Variants in WWTR1 observed in about 807,000 individuals in gnomAD.
WWTR1 encodes the protein WW domain-containing transcription regulator protein 1.
In WWTR1, 13 loss-of-function variants were observed where a neutral mutation model predicts 40.1. The observed-to-expected ratio is 0.32, with a 90% CI of 0.21 to 0.52. WWTR1 has a LOEUF of 0.52. WWTR1 is among the 20% of genes least tolerant of loss of function. The pLI, the probability that WWTR1 is intolerant of heterozygous loss-of-function variation, is 0.97. For synonymous variants in WWTR1, 230 were observed against 210.1 expected (o/e 1.09, Z -0.82); for missense variants, 436 against 523.1 (o/e 0.83, Z 1.63).
intron 1 of WWTR1, among the ~76,000 whole-genome samples, chr3:149,681,624 A>G (rs1714460765): frequency 6.6e-6 from 1 of 152,210 alleles, no homozygotes; most frequent in African/African-American, 2.4e-5. Context: ...TTGCACTCCT[A>G]TGTTCATTGC....
At chr3:149,564,623 C>G (rs17787965) in intron 3 of WWTR1, among the ~76,000 whole-genome samples, 17,050 of 151,962 alleles carry the variant, frequency 0.11, 1,075 homozygotes, top group Middle Eastern at 0.15. Context: ...AACTGACTTA[C>G]TCAACACATT....
At chr3:149,609,429 G>A (rs1739635180) in intron 2 of WWTR1, among the ~76,000 whole-genome samples, 1 of 152,132 alleles carries the variant, frequency 6.6e-6, no homozygotes, top group South Asian at 2.1e-4. Context: ...ACCTGTTTTT[G>A]TACAACAGGG....
At chr3:149,645,143 G>A (rs556820401) in intron 2 of WWTR1, among the ~76,000 whole-genome samples, 40 of 150,996 alleles carry the variant, frequency 2.6e-4, no homozygotes, top group African/African-American at 9.2e-4. Context: ...GCAGTGGCGC[G>A]ATCTCAGCTC....
intron 1 of WWTR1, among the ~76,000 whole-genome samples, chr3:149,699,736 T>C (rs1715111638): frequency 6.6e-6 from 1 of 152,250 alleles, no homozygotes; most frequent in South Asian, 2.1e-4. Flanking sequence ...CTGATCAGCC[T>C]GGACTTTACT....
At position 149,524,891 on chromosome 3, in the gene WWTR1, G is replaced by A. The variant is rs368732776; in HGVS notation, c.1018+1122C>T. On this transcript the variant is annotated intron_variant, in intron 6 of 6. Transcript: ENST00000360632. ...ACTTTCGTCAATGATAATGGAGAAG[G>A]AACTTTCATGAATAACTCCAAATAG... 3.8e-4 allele frequency among the ~76,000 whole-genome samples: 58 copies of A among 152,288 alleles called. 1 individual carries two copies. In the South Asian group the frequency reaches 0.01, roughly 27 times the overall value.
intron 5 of WWTR1, among the ~76,000 whole-genome samples, chr3:149,715,077 C>T (rs1352323846): frequency 6.6e-6 from 1 of 152,174 alleles, no homozygotes; most frequent in Non-Finnish European, 1.5e-5. Context: ...TTCTGTTTCT[C>T]AATAAAGCTC....
chr3:149,693,992 A>T (rs1047392012), intron 1 of WWTR1, among the ~76,000 whole-genome samples: 2 of 152,242 alleles, frequency 1.3e-5, no homozygotes, highest in Non-Finnish European at 2.9e-5. Context: ...AAAATGGACA[A>T]ATTGAATCAA....
intron 2 of WWTR1, among the ~76,000 whole-genome samples, chr3:149,647,237 T>G (rs917825509): frequency 1.3e-5 from 2 of 152,246 alleles, no homozygotes; most frequent in African/African-American, 4.8e-5. Context: ...CTCTTCCCAG[T>G]AAATGCCTTT....
At chr3:149,702,324 T>C (rs1386750951) in intron 1 of WWTR1, 1 of 152,170 alleles carries the variant, frequency 6.6e-6, no homozygotes, top group Non-Finnish European at 1.5e-5. Flanking sequence ...GTTATGAATG[T>C]TGTCTGTCTC....
intron 2 of WWTR1, among the ~76,000 whole-genome samples, chr3:149,594,852 A>G (rs993766078): frequency 6.6e-6 from 1 of 151,934 alleles, no homozygotes; most frequent in Non-Finnish European, 1.5e-5. Flanking sequence ...TGGGTATAAT[A>G]ATAGAATTTG....
intron 4 of WWTR1, among the ~76,000 whole-genome samples, chr3:149,530,118 C>T (rs1196800378): frequency 4.6e-5 from 7 of 151,992 alleles, no homozygotes; most frequent in African/African-American, 9.7e-5. Flanking sequence ...GAGGCTGAGG[C>T]GGGTGGATCA....
intron 2 of WWTR1, among the ~76,000 whole-genome samples, chr3:149,608,906 A>G (rs1330199249): frequency 6.6e-6 from 1 of 151,912 alleles, no homozygotes; most frequent in Non-Finnish European, 1.5e-5. Flanking sequence ...AAAAAAATAG[A>G]AATAATACAA....
chr3:149,542,477 G>C lies in WWTR1; in HGVS notation c.629C>G (p.Pro210Arg), dbSNP rs778159072. The change falls in exon 4 of 7, where the codon CCC (proline) becomes CGC (arginine). Residue 210 changes from proline to arginine, a missense_variant. Physicochemically the swap from Pro to Arg is moderately radical, Grantham distance 103 (BLOSUM62 -2). Coordinates refer to ENST00000360632, the MANE Select transcript of WWTR1 (RefSeq NM_015472.6). ...APSTLSQQNH[P>R]TQNPPAGLMS... ...GAGCCCTGCGGGTGGGTTCTGAGTG[G>C]GGTGGTTCTGCTGGCTCAGGGTACT... The C allele has an allele frequency of 4.3e-6, 7 of 1,614,012 alleles. No individual in the cohort carries two copies. Among genetic ancestry groups the C allele is most frequent in the South Asian group, 3.3e-5 (3 of 91,046 alleles).
At chr3:149,678,053 G>A (rs942157150) in intron 1 of WWTR1, among the ~76,000 whole-genome samples, 3 of 151,774 alleles carry the variant, frequency 2.0e-5, no homozygotes, top group African/African-American at 7.3e-5. Context: ...TTACAGGCGG[G>A]GGCCACCACA....
chr3:149,624,185 T>C (rs1162734426), intron 2 of WWTR1, among the ~76,000 whole-genome samples: 1 of 150,266 alleles, frequency 6.7e-6, no homozygotes, highest in South Asian at 2.2e-4. Context: ...GAACAGATAC[T>C]GGCATACATT....
rs188398091 is a variant in WWTR1, at chr3:149,642,351, C to G, written c.431+14525G>C. ...AGGAGAATTGCTTGAACCCAGGAGG[C>G]AGAGGTTGCGGTGAACTGAGATCGC... is the stretch of plus-strand genomic sequence containing the variant. On this transcript the variant is annotated intron_variant, in intron 2 of 6. Transcript: ENST00000360632. Among the ~76,000 whole-genome samples, 48 of 151,862 alleles carry G rather than the reference C, an allele frequency of 3.2e-4. No homozygotes were observed. The East Asian group carries it at 6.4e-3, about 20-fold the overall frequency.
Position 149,635,786 on chromosome 3 carries a change from C to A in WWTR1, c.431+21090G>T, listed in dbSNP as rs140140569. On this transcript the variant is annotated intron_variant, in intron 2 of 6. Transcript: ENST00000360632. ...GGGTCAAGAAAGTCTATTGCTTTAG[C>A]TGAATTTCTTAAAGCAAGAATGCAT... 5.9e-5 allele frequency among the ~76,000 whole-genome samples: 9 copies of A among 152,244 alleles called. No individual in the cohort carries two copies. The East Asian group carries it at 1.3e-3, about 23-fold the overall frequency.
chr3:149,579,993 C>A (rs563439904), intron 2 of WWTR1, among the ~76,000 whole-genome samples: 3 of 152,266 alleles, frequency 2.0e-5, no homozygotes, highest in African/African-American at 7.2e-5. Flanking sequence ...AAATGCTATG[C>A]CAATTTTTAA....
At chr3:149,675,104 A>T (rs1714220371) in intron 1 of WWTR1, among the ~76,000 whole-genome samples, 1 of 151,898 alleles carries the variant, frequency 6.6e-6, no homozygotes, top group African/African-American at 2.4e-5. Context: ...ACTTCTTTTG[A>T]TTTTCCCCTT....
Sources: gnomAD v4.1 joint callset for allele counts (sites outside exome capture counted in the v4.1 genomes callset) on GRCh38, gnomAD v4.1.1 for gene constraint, MANE v1.5 for transcripts, NCBI Gene and HGNC (gene_info 2026-07-23, HGNC 2026-07-21) for gene names.